The following LRP8 variants were observed in gnomAD, a reference collection of about 807,000 sequenced individuals.
LRP8 encodes LDL receptor related protein 8.
LRP8 carries 46 observed loss-of-function variants against 111.6 expected under a neutral mutation model. That is an observed-to-expected ratio of 0.41 (90% confidence interval 0.33 to 0.53). The LOEUF is 0.53. LRP8 is among the 20% of genes least tolerant of loss of function. The pLI is 0.20. For synonymous variants in LRP8, 464 were observed against 511.2 expected (o/e 0.91, Z 1.24); for missense variants, 959 against 1,297.4 (o/e 0.74, Z 4.01).
At position 53,249,263 on chromosome 1, in the gene LRP8, A is replaced by T; in HGVS notation, c.2853+117T>A. 1 of 1,121,476 alleles carries T rather than the reference A, an allele frequency of 8.9e-7. No individual in the cohort carries two copies. The highest frequency in any genetic ancestry group is 1.3e-6 in the Non-Finnish European group (1 of 784,762). The allele number at this position is 1,121,476 out of a possible 1,614,324, so 69.5% of individuals were successfully genotyped here. On this transcript the variant is annotated intron_variant, in intron 18 of 18. Coordinates refer to ENST00000306052, the MANE Select transcript of LRP8 (RefSeq NM_004631.5). The surrounding 1 kb of genome is among the most constrained non-coding windows in gnomAD (Gnocchi z 4.1). ...ACCCATTTTTCTTCTTTGCCCCAAC[A>T]CCCAGCTTACAATTTGCAGCCTTCC...
intron 2 of LRP8, among the ~76,000 whole-genome samples, chr1:53,306,942 G>A (rs1293810038): frequency 1.3e-5 from 2 of 152,192 alleles, no homozygotes; most frequent in East Asian, 1.9e-4. Context: ...TTCAGAGAGG[G>A]ACAGGATGGG....
chr1:53,276,363 G>C (rs1032441610), intron 5 of LRP8, among the ~76,000 whole-genome samples: 2 of 151,536 alleles, frequency 1.3e-5, no homozygotes, highest in Admixed American at 6.6e-5. Context: ...CAGGCCTAGC[G>C]GGTAAAGAGA....
chr1:53,269,838 A>C (rs148442087), intron 8 of LRP8, among the ~76,000 whole-genome samples: 2 of 152,156 alleles, frequency 1.3e-5, no homozygotes, highest in African/African-American at 4.8e-5. Context: ...GCAGACAGGG[A>C]TTTGCATCTG....
rs577386716 is a variant in LRP8, at chr1:53,279,941, T to C, written c.496+646A>G. 1.4e-4 allele frequency among the ~76,000 whole-genome samples: 21 copies of C among 152,374 alleles called. 1 individual carries two copies. The highest frequency in any genetic ancestry group is 5.0e-4 in the African/African-American group (21 of 41,594). On this transcript the variant is annotated intron_variant, in intron 4 of 18. Coordinates refer to ENST00000306052, the MANE Select transcript of LRP8 (RefSeq NM_004631.5). The surrounding 1 kb of genome is among the most constrained non-coding windows in gnomAD (Gnocchi z 4.4). The stretch of plus-strand genomic sequence containing the variant: ...CCATGCTCCCCAATGGCCCAGGCCC[T>C]GCTGGCCTGCTCCCTGGGAAGGAGA...
chr1:53,291,825 T>G (rs1648827146), intron 2 of LRP8: 1 of 152,222 alleles, frequency 6.6e-6, no homozygotes, highest in East Asian at 1.9e-4. Flanking sequence ...AAAAAACTGG[T>G]GACAGGCCAG....
At position 53,293,989 on chromosome 1, in the gene LRP8, C is replaced by T. The variant is rs931432822; in HGVS notation, c.245-4300G>A. Among the ~76,000 whole-genome samples the T allele has an allele frequency of 6.6e-6, 1 of 152,196 alleles. No individual in the cohort carries two copies. On this transcript the variant is annotated intron_variant, in intron 2 of 18. Transcript: ENST00000306052. This position sits in a 1 kb window ranked among gnomAD's most constrained non-coding sequence, Gnocchi z 4.9. Reference sequence around the variant, plus strand: ...CAGTGCAATGAGCCCAATAGTCCCTCGTGAAGAGACCATATCAGCCCTGCC... The same window carrying T: ...CAGTGCAATGAGCCCAATAGTCCCTTGTGAAGAGACCATATCAGCCCTGCC...
At chr1:53,281,524 C>T (rs1033365317) in intron 3 of LRP8, among the ~76,000 whole-genome samples, 2 of 152,202 alleles carry the variant, frequency 1.3e-5, no homozygotes, top group Non-Finnish European at 2.9e-5. Context: ...GCCCGACCTC[C>T]GTGGTCTCTA....
chr1:53,319,347 G>A (rs1056853604), intron 2 of LRP8, among the ~76,000 whole-genome samples: 1 of 152,200 alleles, frequency 6.6e-6, no homozygotes, highest in Non-Finnish European at 1.5e-5. Context: ...AGACAGACTG[G>A]CAGACAGCTT....
intron 2 of LRP8, 55 bp downstream of exon 2, chr1:53,326,818 C>T: frequency 7.0e-6 from 11 of 1,572,310 alleles, no homozygotes; most frequent in South Asian, 1.1e-5. Flanking sequence ...AAGCATGGTG[C>T]CCCCCACCGT....
chr1:53,252,519 G>A lies in LRP8; in HGVS notation c.2504-1657C>T, dbSNP rs185386779. Reference sequence around the variant, plus strand: ...CCACTGCACTCCAGCCTGGGCAAGAGTGCAAGATCTTCTTGTCTCTTAAAA... The same window carrying A: ...CCACTGCACTCCAGCCTGGGCAAGAATGCAAGATCTTCTTGTCTCTTAAAA... On this transcript the variant is annotated intron_variant, in intron 16 of 18. Coordinates refer to ENST00000306052, the MANE Select transcript of LRP8 (RefSeq NM_004631.5). 7.2e-5 allele frequency among the ~76,000 whole-genome samples: 11 copies of A among 152,278 alleles called. No individual in the cohort carries two copies. The East Asian group carries it at 1.7e-3, about 24-fold the overall frequency.
intron 2 of LRP8, among the ~76,000 whole-genome samples, chr1:53,300,281 C>T (rs1033693290): frequency 2.0e-5 from 3 of 152,214 alleles, no homozygotes; most frequent in African/African-American, 7.2e-5. Context: ...CTTCTTCCAC[C>T]TCCATGGGCA....
chr1:53,314,768 C>T (rs1015334297), intron 2 of LRP8, among the ~76,000 whole-genome samples: 5 of 152,160 alleles, frequency 3.3e-5, no homozygotes, highest in Non-Finnish European at 4.4e-5. Context: ...AGGGGGAGGC[C>T]GCTTTGGCCT....
chr1:53,269,028 T>A (rs941679600), intron 8 of LRP8, among the ~76,000 whole-genome samples: 1 of 152,196 alleles, frequency 6.6e-6, no homozygotes, highest in Non-Finnish European at 1.5e-5. Flanking sequence ...CCTTCCCTAC[T>A]CAGAGCCCTC....
chr1:53,262,055 T>G lies in LRP8; in HGVS notation c.1914+13A>C. 4 of 1,614,094 alleles carry G rather than the reference T, an allele frequency of 2.5e-6. No homozygotes were observed. Among genetic ancestry groups the G allele is most frequent in the Non-Finnish European group, 3.4e-6 (4 of 1,179,954 alleles). On this transcript the variant is annotated intron_variant, in intron 12 of 18. Coordinates refer to ENST00000306052, the MANE Select transcript of LRP8 (RefSeq NM_004631.5). This position sits in a 1 kb window ranked among gnomAD's most constrained non-coding sequence, Gnocchi z 4.8. ...CTTCCTAGTGGGCCCTTGCCTCTCC[T>G]TACAGGACTCACCTCAAACACAGCT... is the stretch of plus-strand genomic sequence containing the variant.
intron 2 of LRP8, among the ~76,000 whole-genome samples, chr1:53,319,517 C>T (rs941540461): frequency 1.1e-4 from 16 of 152,196 alleles, no homozygotes; most frequent in Non-Finnish European, 1.9e-4. Context: ...GAGAGCATGC[C>T]GCATTCTATG....
intron 2 of LRP8, among the ~76,000 whole-genome samples, chr1:53,316,823 C>T (rs1653866591): frequency 6.6e-6 from 1 of 152,220 alleles, no homozygotes; most frequent in Non-Finnish European, 1.5e-5. Flanking sequence ...GGGACCAGAG[C>T]ACACATGGCC....
At chr1:53,299,845 T>C (rs1157460955) in intron 2 of LRP8, among the ~76,000 whole-genome samples, 5 of 152,262 alleles carry the variant, frequency 3.3e-5, no homozygotes, top group Admixed American at 3.3e-4. Flanking sequence ...CTTGCTCTCT[T>C]CTTTCATGGC....
intron 12 of LRP8, 106 bp downstream of exon 12, chr1:53,261,962 G>C: frequency 7.4e-7 from 1 of 1,356,324 alleles, no homozygotes; most frequent in Non-Finnish European, 1.0e-6. Context: ...TGGTTTCCCT[G>C]TTCCTGTTTT....
At chr1:53,264,046 T>G in intron 10 of LRP8, 123 bp downstream of exon 10, 1 of 915,536 alleles carries the variant, frequency 1.1e-6, no homozygotes, top group Non-Finnish European at 1.7e-6. Flanking sequence ...AAGACTTTCT[T>G]CCCCATGGCC....
Sources: allele counts gnomAD v4.1 joint callset (sites outside exome capture counted in the v4.1 genomes callset), GRCh38; gene constraint gnomAD v4.1.1; non-coding constraint Gnocchi (gnomAD v3.1); transcripts MANE v1.5; gene names NCBI Gene and HGNC (gene_info 2026-07-23, HGNC 2026-07-21).